Variants in MYO7A observed in about 807,000 individuals in gnomAD.
MYO7A encodes the protein myosin VIIA.
A neutral mutation model predicts 263.8 loss-of-function variants in MYO7A; 210 were observed. The ratio of observed to expected loss-of-function variants is 0.80; its 90% CI spans 0.71 to 0.89. The LOEUF is 0.89. Among genes scored for constraint, MYO7A ranks in the 40% least tolerant of loss-of-function variants. MYO7A has a pLI of 0.00. For synonymous variants in MYO7A, 1,239 were observed against 1,197.3 expected (o/e 1.03, Z -0.72); for missense variants, 2,820 against 2,968.3 (o/e 0.95, Z 1.16).
chr11:77,168,885 G>A (rs1385856969), intron 15 of MYO7A, among the ~76,000 whole-genome samples: 1 of 152,220 alleles, frequency 6.6e-6, no homozygotes, highest in Non-Finnish European at 1.5e-5. Flanking sequence ...ACAGGGATTC[G>A]AGTGCAGGCC....
intron 2 of MYO7A, among the ~76,000 whole-genome samples, chr11:77,133,110 C>T (rs1329761410): frequency 6.6e-6 from 1 of 152,060 alleles, no homozygotes; most frequent in Non-Finnish European, 1.5e-5. Context: ...CCAGGGGGCA[C>T]GGGGATGAGA....
Position 77,138,079 on chromosome 11 carries a change from G to A in MYO7A, c.19-4630G>A, listed in dbSNP as rs1950977268. 6.6e-6 allele frequency among the ~76,000 whole-genome samples: 1 copy of A among 152,082 alleles called. No individual in the cohort carries two copies. The highest frequency in any genetic ancestry group is 1.5e-5 in the Non-Finnish European group (1 of 67,994). The stretch of plus-strand genomic sequence containing the variant: ...CCGGGCCTACCGCCGCGGTGCCAGT[G>A]AAGCCGCCTGGGATTCCGGGCAAAG... On this transcript the variant is annotated intron_variant, in intron 2 of 48. Transcript: ENST00000409709. The surrounding 1 kb of genome is among the most constrained non-coding windows in gnomAD (Gnocchi z 4.9).
At chr11:77,209,898 A>AGTTAGTGGCACCACC (rs1230156752) in intron 44 of MYO7A, among the ~76,000 whole-genome samples, 13 of 151,962 alleles carry the variant, frequency 8.6e-5, no homozygotes, top group African/African-American at 3.2e-4. Context: ...TGGTGCCACT[A>AGTTAGTGGCACCACC]ACTGCTCCTG....
chr11:77,177,257 T>C (rs1413058736), intron 18 of MYO7A, among the ~76,000 whole-genome samples: 1 of 152,110 alleles, frequency 6.6e-6, no homozygotes, highest in East Asian at 1.9e-4. Flanking sequence ...AGATTGACGA[T>C]AGGGAAGAAG....
rs573668326 is a variant in MYO7A, at chr11:77,176,645, G to A, written c.2188-904G>A. Among the ~76,000 whole-genome samples, 31 of 152,300 alleles carry A rather than the reference G, an allele frequency of 2.0e-4. 1 individual carries two copies. The South Asian group carries it at 4.6e-3, about 22-fold the overall frequency. On this transcript the variant is annotated intron_variant, in intron 18 of 48. Transcript: ENST00000409709. ...CTGACTTACACTGCTAGGCTCTTCCGATATGGCCTTGGTTTTGAGAGGCCA... is the reference window on the plus strand; with the variant it reads ...CTGACTTACACTGCTAGGCTCTTCCAATATGGCCTTGGTTTTGAGAGGCCA...
chr11:77,200,568 C>T (rs1264913246), intron 35 of MYO7A, among the ~76,000 whole-genome samples: 1 of 152,228 alleles, frequency 6.6e-6, no homozygotes, highest in African/African-American at 2.4e-5. Context: ...CAAGTTTCAA[C>T]AGAGAGATTT....
intron 27 of MYO7A, among the ~76,000 whole-genome samples, chr11:77,186,109 G>C (rs113074331): frequency 5.5e-4 from 58 of 106,172 alleles, no homozygotes; most frequent in African/African-American, 2.7e-3. Context: ...TTTTAGTAGA[G>C]ACGGGGTTTC....
At chr11:77,168,429 T>C (rs542088817) in intron 15 of MYO7A, among the ~76,000 whole-genome samples, 30 of 152,334 alleles carry the variant, frequency 2.0e-4, no homozygotes, top group African/African-American at 6.0e-4. Context: ...TAAGCACTTA[T>C]ATTTATCACC....
chr11:77,205,246 G>A (rs556246428), intron 39 of MYO7A, among the ~76,000 whole-genome samples: 1 of 152,264 alleles, frequency 6.6e-6, no homozygotes, highest in Admixed American at 6.5e-5. Flanking sequence ...GGCGCGGTGG[G>A]CCAGGCACAC....
chr11:77,162,276 C>T lies in MYO7A; in HGVS notation c.1500C>T (p.Ala500=), dbSNP rs1169305077. 14 of 1,553,542 alleles carry T rather than the reference C, an allele frequency of 9.0e-6. No homozygotes were observed. The highest frequency in any genetic ancestry group is 2.7e-5 in the African/African-American group (2 of 73,128). The change falls in exon 13 of 49, where the codon GCC becomes GCT. Residue 500 remains alanine, a synonymous_variant. Coordinates refer to ENST00000409709, the MANE Select transcript of MYO7A (RefSeq NM_000260.4). Reference sequence around the variant, plus strand: ...ACCAGGATGCCCTGGACATGATTGCCAACAAGCCCATGAACATCATCTCCC... The same window carrying T: ...ACCAGGATGCCCTGGACATGATTGCTAACAAGCCCATGAACATCATCTCCC... The part of the protein sequence containing the change: ...TDNQDALDMI[A]NKPMNIISLI...
chr11:77,188,324 A>G (rs1368860437), intron 27 of MYO7A, among the ~76,000 whole-genome samples: 1 of 152,234 alleles, frequency 6.6e-6, no homozygotes, highest in Non-Finnish European at 1.5e-5. Flanking sequence ...ACTGTTTGGA[A>G]ATTTAAAATT....
chr11:77,159,482 C>T lies in MYO7A; in HGVS notation c.1039C>T (p.Leu347Phe). The change falls in exon 10 of 49, where the codon CTC becomes TTC. Residue 347 changes from leucine (L) to phenylalanine (F), a missense_variant. Transcript: ENST00000409709. ...TFENLDACEV[L>F]FSPSLATAAS... ...TGAAAACCTGGATGCCTGTGAGGTTCTCTTCTCCCCATCGCTGGCCACAGC... is the reference window on the plus strand; with the variant it reads ...TGAAAACCTGGATGCCTGTGAGGTTTTCTTCTCCCCATCGCTGGCCACAGC... 1 of 1,489,846 alleles carries T rather than the reference C, an allele frequency of 6.7e-7. No homozygotes were observed. The highest frequency in any genetic ancestry group is 9.1e-7 in the Non-Finnish European group (1 of 1,100,206). 92.3% of individuals were successfully genotyped at this position (1,489,846 alleles called of 1,614,324 possible). A position where few individuals can be genotyped will look rare whatever the true frequency, so the allele number is the denominator to read the frequency against.
intron 2 of MYO7A, among the ~76,000 whole-genome samples, chr11:77,136,671 T>A (rs1950915441): frequency 1.3e-5 from 2 of 152,216 alleles, no homozygotes; most frequent in African/African-American, 4.8e-5. Flanking sequence ...GCATTACGCA[T>A]CTTAACCTGT....
chr11:77,137,602 C>T (rs1321219427), intron 2 of MYO7A, among the ~76,000 whole-genome samples: 11 of 152,170 alleles, frequency 7.2e-5, no homozygotes, highest in African/African-American at 2.7e-4. Flanking sequence ...CACAGCCCAG[C>T]GTGGACCGAC....
chr11:77,195,425 G>A (rs1022462589), intron 32 of MYO7A, among the ~76,000 whole-genome samples: 5 of 152,126 alleles, frequency 3.3e-5, no homozygotes, highest in Admixed American at 1.3e-4. Context: ...CTCACATGCC[G>A]GCAGCCACTG....
chr11:77,148,064 T>G (rs2135712439), intron 4 of MYO7A, 114 bp downstream of exon 4: 1 of 978,828 alleles, frequency 1.0e-6, no homozygotes, highest in African/African-American at 1.8e-5. Context: ...CCCTGCCTCC[T>G]GAGACTTTGT....
In MYO7A at chr11:77,182,243, G is replaced by A. The variant is rs1257712905; in HGVS notation, c.3108+89G>A. On this transcript the variant is annotated intron_variant, in intron 24 of 48. Coordinates refer to ENST00000409709, the MANE Select transcript of MYO7A (RefSeq NM_000260.4). ...TGCTGGTGGTGGCCGTAGGTGATGA[G>A]GGTGGTGGGTCCCTGGGGGCCAGGG... The A allele has an allele frequency of 3.3e-6, 5 of 1,532,026 alleles. No homozygotes were observed. The Admixed American group carries it at 5.3e-5, about 16-fold the overall frequency. The allele number at this position is 1,532,026 out of a possible 1,614,324, so 94.9% of individuals were successfully genotyped here.
In MYO7A at chr11:77,214,754, C is replaced by T. The variant is rs1958051458; in HGVS notation, c.*58C>T. On this transcript the variant is annotated 3_prime_UTR_variant, in exon 49 of 49. Coordinates refer to ENST00000409709, the MANE Select transcript of MYO7A (RefSeq NM_000260.4). ...CTCTCGAGGCAGCAGTGGGTTCAGG[C>T]CCATCAGCTACCCCTGCAGCTGGGG... 3 of 1,358,798 alleles carry T rather than the reference C, an allele frequency of 2.2e-6. No individual in the cohort carries two copies. The highest frequency in any genetic ancestry group is 1.3e-5 in the South Asian group (1 of 78,262). The allele number at this position is 1,358,798 out of a possible 1,614,324, so 84.2% of individuals were successfully genotyped here. A position where few individuals can be genotyped will look rare whatever the true frequency, so the allele number is the denominator to read the frequency against.
intron 8 of MYO7A, 31 bp downstream of exon 8, chr11:77,157,423 G>T (rs147907436): frequency 6.8e-7 from 1 of 1,479,362 alleles, no homozygotes; most frequent in Non-Finnish European, 9.3e-7. Flanking sequence ...TGGGTAGGGG[G>T]GCACCCACCC....
Sources: gnomAD v4.1 joint callset for allele counts (sites outside exome capture counted in the v4.1 genomes callset) on GRCh38, gnomAD v4.1.1 for gene constraint, Gnocchi (gnomAD v3.1) non-coding constraint, MANE v1.5 for transcripts, NCBI Gene and HGNC (gene_info 2026-07-23, HGNC 2026-07-21) for gene names.